Variants in DOCK5 observed in about 807,000 individuals in gnomAD.
DOCK5 encodes the protein dedicator of cytokinesis 5, also known as dedicator of cytokinesis protein 5.
DOCK5 carries 142 observed loss-of-function variants against 251.8 expected under a neutral mutation model. The ratio of observed to expected loss-of-function variants is 0.56; its 90% confidence interval spans 0.49 to 0.65. The LOEUF (loss-of-function observed/expected upper bound fraction) is 0.65, where lower values mean the gene tolerates loss of function less well. Ranked by LOEUF, DOCK5 falls within the 30% of genes least tolerant of loss-of-function variation. DOCK5 has a pLI of 0.00. For synonymous variants in DOCK5, 842 were observed against 835.5 expected (o/e 1.01, Z -0.13); for missense variants, 2,111 against 2,312.3 (o/e 0.91, Z 1.79).
At chr8:25,408,556 C>A (rs1310685363) in intron 49 of DOCK5, among the ~76,000 whole-genome samples, 1 of 152,170 alleles carries the variant, frequency 6.6e-6, no homozygotes, top group East Asian at 1.9e-4. Flanking sequence ...TTATTTCCAA[C>A]ATAAATGACA....
In DOCK5 at chr8:25,296,383, G is replaced by T. The variant is rs1018986169; in HGVS notation, c.471-130G>T. 8 of 1,161,546 alleles carry T rather than the reference G, an allele frequency of 6.9e-6. No homozygotes were observed. The East Asian group carries it at 1.0e-4, about 15-fold the overall frequency. 72.0% of individuals were successfully genotyped at this position (1,161,546 alleles called of 1,614,324 possible). A position where few individuals can be genotyped will look rare whatever the true frequency, so the allele number is the denominator to read the frequency against. On this transcript the variant is annotated intron_variant, in intron 6 of 51. Transcript: ENST00000276440. ...AACTGAAATGAGAAAAGTCAATGAG[G>T]TGTGCTTCCCTGGGCTTGTCCAGCA...
At chr8:25,237,050 G>A (rs892630753) in intron 1 of DOCK5, among the ~76,000 whole-genome samples, 7 of 152,126 alleles carry the variant, frequency 4.6e-5, no homozygotes, top group Non-Finnish European at 1.0e-4. Context: ...GAGGATTCAT[G>A]TAATAATCTC....
chr8:25,303,031 C>G (rs575697724), intron 10 of DOCK5, among the ~76,000 whole-genome samples: 1 of 151,962 alleles, frequency 6.6e-6, no homozygotes, highest in Non-Finnish European at 1.5e-5. Context: ...TGCCACTGAA[C>G]GGAATACTTT....
intron 18 of DOCK5, among the ~76,000 whole-genome samples, chr8:25,329,072 A>C (rs934374864): frequency 6.6e-6 from 1 of 152,152 alleles, no homozygotes; most frequent in Non-Finnish European, 1.5e-5. Flanking sequence ...AGTGACTTTT[A>C]ACCTTTTGAG....
chr8:25,219,752 C>A (rs999425946), intron 1 of DOCK5, among the ~76,000 whole-genome samples: 1 of 151,726 alleles, frequency 6.6e-6, no homozygotes, highest in Non-Finnish European at 1.5e-5. Flanking sequence ...CTTTCTGTCC[C>A]CTTCAACTGT....
intron 40 of DOCK5, among the ~76,000 whole-genome samples, chr8:25,384,881 C>T (rs1162467579): frequency 3.9e-5 from 6 of 152,108 alleles, no homozygotes; most frequent in South Asian, 2.1e-4. Flanking sequence ...TGCAATGAGC[C>T]GAGATGGTGC....
At chr8:25,399,121 C>T (rs532662423) in intron 45 of DOCK5, among the ~76,000 whole-genome samples, 14 of 152,194 alleles carry the variant, frequency 9.2e-5, no homozygotes, top group Non-Finnish European at 1.9e-4. Context: ...GAAAACATGT[C>T]ACTCCAATTT....
In DOCK5 at chr8:25,342,284, T is replaced by C. The variant is rs577235426; in HGVS notation, c.2511-117T>C. ...TGTCATAAACTCTCAGGTCATTTTG[T>C]AGTTTTCCAGGTAAATCTCTCCATG... is the stretch of plus-strand genomic sequence containing the variant. On this transcript the variant is annotated intron_variant, in intron 24 of 51. Coordinates refer to ENST00000276440, the MANE Select transcript of DOCK5 (RefSeq NM_024940.8). 47 of 697,018 alleles carry C rather than the reference T, an allele frequency of 6.7e-5. 1 individual carries two copies. In the African/African-American group the frequency reaches 7.9e-4, roughly 12 times the overall value. The allele number at this position is 697,018 out of a possible 1,614,324, so 43.2% of individuals were successfully genotyped here.
At chr8:25,379,347 CTTAATA>C (rs1282339845) in intron 38 of DOCK5, among the ~76,000 whole-genome samples, 10 of 151,982 alleles carry the variant, frequency 6.6e-5, no homozygotes, top group Non-Finnish European at 1.5e-4. Context: ...TTCCCAGGGT[CTTAATA>C]TTAATATTCC....
chr8:25,329,339 T>C (rs1487317907), intron 18 of DOCK5, among the ~76,000 whole-genome samples: 2 of 152,178 alleles, frequency 1.3e-5, no homozygotes, highest in Non-Finnish European at 2.9e-5. Context: ...CTCCTGCAGC[T>C]GGCAACTTTT....
At chr8:25,229,421 C>T (rs960814229) in intron 1 of DOCK5, among the ~76,000 whole-genome samples, 3 of 151,678 alleles carry the variant, frequency 2.0e-5, no homozygotes, top group Non-Finnish European at 2.9e-5. Context: ...GCAGAGGTTG[C>T]GGTGAGCTGA....
intron 6 of DOCK5, among the ~76,000 whole-genome samples, chr8:25,292,881 C>T (rs911913784): frequency 1.3e-5 from 2 of 152,204 alleles, no homozygotes; most frequent in Non-Finnish European, 2.9e-5. Context: ...CTCTTCATCT[C>T]CCCCTAACCG....
chr8:25,296,486 A>G, intron 6 of DOCK5, 27 bp from the exon 7 acceptor site: 14 of 1,597,616 alleles, frequency 8.8e-6, no homozygotes, highest in South Asian at 1.1e-5. Context: ...GGTGAGGAGA[A>G]CCAGCTGACT....
At chr8:25,216,070 A>T (rs886856632) in intron 1 of DOCK5, among the ~76,000 whole-genome samples, 1 of 151,738 alleles carries the variant, frequency 6.6e-6, no homozygotes, top group South Asian at 2.1e-4. Flanking sequence ...CAATATGTCT[A>T]TACGTGTATA....
Position 25,308,779 on chromosome 8 carries a change from C to T in DOCK5, c.1050-4C>T. 1.2e-6 allele frequency: 2 copies of T among 1,613,214 alleles called. No individual in the cohort carries two copies. Among genetic ancestry groups the T allele is most frequent in the South Asian group, 1.1e-5 (1 of 91,048 alleles). On this transcript the variant is annotated splice_polypyrimidine_tract_variant and splice_region_variant and intron_variant, in intron 11 of 51. Transcript: ENST00000276440. ...CACCTTACCTCTTATTTCTCTTTCCCAAGAATTGCGATGGAAACCTACATC... is the reference window on the plus strand; with the variant it reads ...CACCTTACCTCTTATTTCTCTTTCCTAAGAATTGCGATGGAAACCTACATC...
At chr8:25,260,600 A>G (rs1803552140) in intron 2 of DOCK5, among the ~76,000 whole-genome samples, 1 of 152,178 alleles carries the variant, frequency 6.6e-6, no homozygotes, top group African/African-American at 2.4e-5. Context: ...GCCAGAGTCT[A>G]CAAGCATTAC....
chr8:25,230,291 A>C (rs1318609750), intron 1 of DOCK5, among the ~76,000 whole-genome samples: 1 of 152,144 alleles, frequency 6.6e-6, no homozygotes, highest in Non-Finnish European at 1.5e-5. Context: ...ACAAACACAC[A>C]TTCTTGGGCT....
chr8:25,244,898 G>A (rs1803056688), intron 2 of DOCK5, among the ~76,000 whole-genome samples: 2 of 152,256 alleles, frequency 1.3e-5, no homozygotes, highest in Admixed American at 1.3e-4. Context: ...AAGACAGAGA[G>A]GGCTGTGTGA....
At chr8:25,185,868 G>A (rs1801416771) in intron 1 of DOCK5, among the ~76,000 whole-genome samples, 1 of 152,180 alleles carries the variant, frequency 6.6e-6, no homozygotes, top group Non-Finnish European at 1.5e-5. Flanking sequence ...AAGTTATTGA[G>A]GGCCTGTGGG....
Sources: allele counts gnomAD v4.1 joint callset (sites outside exome capture counted in the v4.1 genomes callset), GRCh38; gene constraint gnomAD v4.1.1; transcripts MANE v1.5; gene names NCBI Gene and HGNC (gene_info 2026-07-23, HGNC 2026-07-21).